CHMP2B: variants seen among roughly 807,000 people sequenced by gnomAD.
CHMP2B encodes VPS2 homolog B.
CHMP2B carries 22 observed loss-of-function variants against 29.8 expected under a neutral mutation model. The observed-to-expected ratio is 0.74, with a 90% CI of 0.53 to 1.05. The LOEUF is 1.05. Ranked by LOEUF, CHMP2B falls within the 50% of genes least tolerant of loss-of-function variation. The probability of loss-of-function intolerance (pLI) is 0.00; values close to 1 mark genes in which losing one functional copy is unlikely to be tolerated. For synonymous variants in CHMP2B, 78 were observed against 75.8 expected, an observed-to-expected ratio of 1.03 and a Z score of -0.15; for missense variants, 261 against 252.2, an observed-to-expected ratio of 1.03 and a Z score of -0.24.
chr3:87,253,904 A>C lies in CHMP2B; in HGVS notation c.*82A>C. On this transcript the variant is annotated 3_prime_UTR_variant, in exon 6 of 6. Transcript: ENST00000263780. ...AGTGCAGATTTCTTTTACAAAACAC[A>C]TGTATTTTGCAAAAAAAAAAAAAAT... is the stretch of plus-strand genomic sequence containing the variant. 3.2e-6 allele frequency: 3 copies of C among 949,832 alleles called. No homozygotes were observed. The highest frequency in any genetic ancestry group is 3.2e-6 in the Non-Finnish European group (2 of 616,778). The allele number at this position is 949,832 out of a possible 1,614,324, so 58.8% of individuals were successfully genotyped here. A position where few individuals can be genotyped will look rare whatever the true frequency, so the allele number is the denominator to read the frequency against.
rs117347856 is a variant in CHMP2B, at chr3:87,246,690, A to C, written c.321+782A>C. Among the ~76,000 whole-genome samples the C allele has an allele frequency of 2.8e-3, 434 of 152,348 alleles. 3 individuals carry two copies. Among genetic ancestry groups the C allele is most frequent in the South Asian group, 3.3e-3 (16 of 4,826 alleles). The stretch of plus-strand genomic sequence containing the variant: ...TATGTTTAACTTACTGTATACACAC[A>C]CAAACACATTTTTCTATATCTGTAA... On this transcript the variant is annotated intron_variant, in intron 3 of 5. Coordinates refer to ENST00000263780, the MANE Select transcript of CHMP2B (RefSeq NM_014043.4).
In CHMP2B at chr3:87,241,290, A is replaced by G. The variant is rs1193686313; in HGVS notation, c.126+500A>G. ...ATGTTGCCTCAAATCTTTAAAAAAT[A>G]TCTTTATTGAGGGATAATTCACATG... On this transcript the variant is annotated intron_variant, in intron 2 of 5. Coordinates refer to ENST00000263780, the MANE Select transcript of CHMP2B (RefSeq NM_014043.4). Among the ~76,000 whole-genome samples, 4 of 152,318 alleles carry G rather than the reference A, an allele frequency of 2.6e-5. No homozygotes were observed. The East Asian group carries it at 5.8e-4, about 22-fold the overall frequency.
Position 87,254,029 on chromosome 3 carries a change from A to T in CHMP2B, c.*207A>T. On this transcript the variant is annotated 3_prime_UTR_variant, in exon 6 of 6. Coordinates refer to ENST00000263780, the MANE Select transcript of CHMP2B (RefSeq NM_014043.4). ...AAAAATGGGAACAGTTTGGATTTTAATTAGAACTGTTTAGGAGTGATGATG... is the reference window on the plus strand; with the variant it reads ...AAAAATGGGAACAGTTTGGATTTTATTTAGAACTGTTTAGGAGTGATGATG... The T allele has an allele frequency of 2.0e-6, 1 of 496,006 alleles. No individual in the cohort carries two copies. The highest frequency in any genetic ancestry group is 3.7e-6 in the Non-Finnish European group (1 of 273,542). 30.7% of individuals were successfully genotyped at this position (496,006 alleles called of 1,614,324 possible).
chr3:87,253,292 TG>T, intron 4 of CHMP2B, 111 bp from the exon 5 acceptor site: 1 of 708,360 alleles, frequency 1.4e-6, no homozygotes, highest in South Asian at 1.5e-5. Flanking sequence ...GTTTGTTCAC[TG>T]AGTTTGCCTT....
intron 1 of CHMP2B, among the ~76,000 whole-genome samples, chr3:87,237,594 C>T (rs1359652539): frequency 6.6e-6 from 1 of 152,140 alleles, no homozygotes; most frequent in Non-Finnish European, 1.5e-5. Context: ...CTAGGGGACA[C>T]TAGTATCTAG....
intron 4 of CHMP2B, chr3:87,252,905 G>T (rs1706340707): frequency 6.3e-6 from 1 of 159,620 alleles, no homozygotes; most frequent in Non-Finnish European, 1.4e-5. Context: ...CATTCTTTGG[G>T]CAAATTTAAT....
intron 3 of CHMP2B, among the ~76,000 whole-genome samples, chr3:87,248,887 T>C (rs1227020805): frequency 6.6e-6 from 1 of 152,208 alleles, no homozygotes; most frequent in Non-Finnish European, 1.5e-5. Context: ...GTATGGATTC[T>C]TTTAATATAC....
At chr3:87,228,408 C>T (rs1334707693) in intron 1 of CHMP2B, among the ~76,000 whole-genome samples, 1 of 152,248 alleles carries the variant, frequency 6.6e-6, no homozygotes, top group South Asian at 2.1e-4. Flanking sequence ...TTGTGTTCCC[C>T]ATTATATGTT....
intron 1 of CHMP2B, among the ~76,000 whole-genome samples, chr3:87,235,662 A>G (rs1352159267): frequency 6.6e-6 from 1 of 152,228 alleles, no homozygotes; most frequent in Non-Finnish European, 1.5e-5. Flanking sequence ...TTCTCATGTA[A>G]TAATACTTGT....
At chr3:87,247,416 A>G (rs1012883289) in intron 3 of CHMP2B, among the ~76,000 whole-genome samples, 2 of 152,212 alleles carry the variant, frequency 1.3e-5, no homozygotes, top group Non-Finnish European at 2.9e-5. Flanking sequence ...ATGTTAATAC[A>G]ATGCTTGGGG....
intron 1 of CHMP2B, among the ~76,000 whole-genome samples, chr3:87,235,840 C>T (rs74789551): frequency 0.091 from 13,851 of 152,162 alleles, 707 homozygotes; most frequent in East Asian, 0.2. Flanking sequence ...ACTTGAAAGA[C>T]GCAGATTGTG....
chr3:87,240,598 A>G, intron 1 of CHMP2B, 101 bp from the exon 2 acceptor site: 6 of 863,764 alleles, frequency 6.9e-6, no homozygotes, highest in African/African-American at 1.7e-5. Context: ...CGCCCAGCCA[A>G]TATAAGATTT....
intron 3 of CHMP2B, among the ~76,000 whole-genome samples, chr3:87,248,100 C>T (rs1575970050): frequency 6.6e-6 from 1 of 151,860 alleles, no homozygotes; most frequent in African/African-American, 2.4e-5. Flanking sequence ...GAGTTCAAGA[C>T]CAGTCTGGCC....
chr3:87,246,050 A>G, intron 3 of CHMP2B, 142 bp downstream of exon 3: 1 of 649,396 alleles, frequency 1.5e-6, no homozygotes, highest in Non-Finnish European at 2.7e-6. Flanking sequence ...GAGTTATAAT[A>G]CTAGATAATC....
chr3:87,227,456 C>A lies in CHMP2B; in HGVS notation c.-67C>A. 1.3e-6 allele frequency: 2 copies of A among 1,598,218 alleles called. No homozygotes were observed. The highest frequency in any genetic ancestry group is 1.7e-6 in the Non-Finnish European group (2 of 1,165,658). On this transcript the variant is annotated 5_prime_UTR_variant, in exon 1 of 6. Coordinates refer to ENST00000263780, the MANE Select transcript of CHMP2B (RefSeq NM_014043.4). ...AACCCGCCAAGGTCCTGTCCTTTTC[C>A]TCCTGTCCTTTGCCAGCGTTGGGCC...
At chr3:87,229,942 G>A (rs1453414506) in intron 1 of CHMP2B, among the ~76,000 whole-genome samples, 1 of 152,050 alleles carries the variant, frequency 6.6e-6, no homozygotes, top group Non-Finnish European at 1.5e-5. Context: ...AAGTCTCTGC[G>A]GTGTATACTT....
intron 3 of CHMP2B, 134 bp downstream of exon 3, chr3:87,246,042 G>A (rs1706206787): frequency 4.5e-6 from 3 of 667,422 alleles, no homozygotes; most frequent in South Asian, 2.0e-5. Flanking sequence ...AGTAAAATGA[G>A]TTATAATACT....
At chr3:87,234,497 G>T (rs1705963751) in intron 1 of CHMP2B, among the ~76,000 whole-genome samples, 1 of 152,108 alleles carries the variant, frequency 6.6e-6, no homozygotes, top group African/African-American at 2.4e-5. Flanking sequence ...AGCCGGCCTG[G>T]GTGGCCTTTT....
Position 87,230,170 on chromosome 3 carries a change from A to C in CHMP2B, c.34+2614A>C, listed in dbSNP as rs576937762. ...TTATGAACCTGTAAATCAGGATCCC[A>C]CTAGGACTTGTCACAAATGCACAAC... On this transcript the variant is annotated intron_variant, in intron 1 of 5. Coordinates refer to ENST00000263780, the MANE Select transcript of CHMP2B (RefSeq NM_014043.4). Among the ~76,000 whole-genome samples the C allele has an allele frequency of 2.0e-5, 3 of 152,312 alleles. No homozygotes were observed. The South Asian group carries it at 6.2e-4, about 32-fold the overall frequency.
Sources: allele counts gnomAD v4.1 joint callset (sites outside exome capture counted in the v4.1 genomes callset), GRCh38; gene constraint gnomAD v4.1.1; transcripts MANE v1.5; gene names NCBI Gene and HGNC (gene_info 2026-07-23, HGNC 2026-07-21).